RGS6: variants seen among roughly 807,000 people sequenced by gnomAD.
RGS6 encodes regulator of G-protein signaling 6.
A neutral mutation model predicts 78.5 loss-of-function variants in RGS6; 30 were observed. The ratio of observed to expected loss-of-function variants is 0.38; its 90% CI spans 0.29 to 0.52. The LOEUF is 0.52. Ranked by LOEUF, RGS6 falls within the 20% of genes least tolerant of loss-of-function variation. The probability of loss-of-function intolerance (pLI) is 0.85; values close to 1 mark genes in which losing one functional copy is unlikely to be tolerated. For missense variants in RGS6, 495 were observed against 609.7 expected (o/e 0.81, Z 1.98); for synonymous variants, 206 against 206.0 (o/e 1.00, Z 0.00).
chr14:72,151,607 C>G (rs1356624758), intron 2 of RGS6, among the ~76,000 whole-genome samples: 1 of 152,112 alleles, frequency 6.6e-6, no homozygotes, highest in African/African-American at 2.4e-5. Context: ...GCCATTTTCC[C>G]CACTCTTACA....
chr14:72,063,514 G>A (rs1247033996), intron 2 of RGS6, among the ~76,000 whole-genome samples: 1 of 152,152 alleles, frequency 6.6e-6, no homozygotes, highest in Non-Finnish European at 1.5e-5. Context: ...TAGGATATAC[G>A]TTTCTTGAGA....
chr14:72,135,419 G>A (rs2096416769), intron 2 of RGS6, among the ~76,000 whole-genome samples: 1 of 152,148 alleles, frequency 6.6e-6, no homozygotes, highest in Non-Finnish European at 1.5e-5. Context: ...TGTGAAATGT[G>A]AGGATGGAAT....
intron 12 of RGS6, among the ~76,000 whole-genome samples, chr14:72,489,575 G>A (rs2096548700): frequency 6.6e-6 from 1 of 152,178 alleles, no homozygotes; most frequent in Non-Finnish European, 1.5e-5. Context: ...CCAATGACAA[G>A]TGTCCTCATA....
chr14:72,174,266 C>A (rs2153688015), intron 2 of RGS6, among the ~76,000 whole-genome samples: 1 of 152,330 alleles, frequency 6.6e-6, no homozygotes, highest in East Asian at 1.9e-4. Flanking sequence ...GGCCACCATG[C>A]CCAGCTAATT....
intron 17 of RGS6, among the ~76,000 whole-genome samples, chr14:72,543,878 G>C (rs564482019): frequency 6.6e-6 from 1 of 152,300 alleles, no homozygotes; most frequent in Non-Finnish European, 1.5e-5. Context: ...TGGGATTACA[G>C]GCACACGCCA....
intron 15 of RGS6, among the ~76,000 whole-genome samples, chr14:72,528,870 C>A (rs1725236871): frequency 1.3e-5 from 2 of 152,128 alleles, no homozygotes. Context: ...TGGTTGTCTG[C>A]AGAATAGGGG....
the RGS6 span, among the ~76,000 whole-genome samples, chr14:71,892,965 G>A: frequency 1.3e-5 from 2 of 152,332 alleles, no homozygotes; most frequent in African/African-American, 2.4e-5. Context: ...TTCATGGGAC[G>A]GCAGCGATCT....
chr14:72,303,405 G>A (rs937046354), intron 2 of RGS6, among the ~76,000 whole-genome samples: 1 of 152,182 alleles, frequency 6.6e-6, no homozygotes, highest in African/African-American at 2.4e-5. Flanking sequence ...GGAGGCTGAG[G>A]CAGGAGAATT....
At position 72,564,184 on chromosome 14, in the gene RGS6, A is replaced by T. The variant is rs984444919; in HGVS notation, c.*1717A>T. The T allele has an allele frequency of 6.6e-6, 1 of 152,096 alleles. No individual in the cohort carries two copies. Among genetic ancestry groups the T allele is most frequent in the Non-Finnish European group, 1.5e-5 (1 of 68,032 alleles). 9.4% of individuals were successfully genotyped at this position (152,096 alleles called of 1,614,324 possible). ...ATCGCGGGCATTAGGAGTCTTCGTT[A>T]TGTTGTATCCTTGTGAGTTCTTGAC... On this transcript the variant is annotated 3_prime_UTR_variant, in exon 18 of 18. Transcript: ENST00000553525.
rs144293172 is a variant in RGS6 at position 72,110,840 on chromosome 14, A to G, written c.84+145965A>G. Among the ~76,000 whole-genome samples the G allele has an allele frequency of 2.7e-3, 407 of 152,168 alleles. 1 individual carries two copies. Among genetic ancestry groups the G allele is most frequent in the African/African-American group, 9.1e-3 (377 of 41,502 alleles). On this transcript the variant is annotated intron_variant, in intron 2 of 17. Coordinates refer to ENST00000553525, the MANE Select transcript of RGS6 (RefSeq NM_001204424.2). The stretch of plus-strand genomic sequence containing the variant: ...CTGGGGAGCCTGGGACATTGCCCAC[A>G]CTCTGCTAATGAAGAAACTGAACCA...
chr14:72,144,804 C>T (rs933637245), intron 2 of RGS6, among the ~76,000 whole-genome samples: 5 of 151,588 alleles, frequency 3.3e-5, no homozygotes, highest in African/African-American at 1.2e-4. Flanking sequence ...TGCCTGCTGC[C>T]TTCACAGAGC....
chr14:72,138,090 A>G (rs762552703), intron 2 of RGS6, among the ~76,000 whole-genome samples: 4 of 152,174 alleles, frequency 2.6e-5, no homozygotes, highest in Non-Finnish European at 4.4e-5. Flanking sequence ...TGAAGACCAA[A>G]TATATCTTAT....
intron 2 of RGS6, among the ~76,000 whole-genome samples, chr14:72,285,603 T>C (rs1347304203): frequency 6.6e-6 from 1 of 152,200 alleles, no homozygotes; most frequent in East Asian, 1.9e-4. Context: ...CTGCTTTCCA[T>C]AGCAGCTACA....
intron 2 of RGS6, among the ~76,000 whole-genome samples, chr14:72,273,451 AAC>A (rs1472841902): frequency 2.6e-5 from 4 of 152,184 alleles, no homozygotes; most frequent in African/African-American, 9.7e-5. Flanking sequence ...GTCAACAGCT[AAC>A]ACAGCATAAG....
chr14:72,613,747 C>T, the RGS6 span, among the ~76,000 whole-genome samples: 2 of 152,166 alleles, frequency 1.3e-5, no homozygotes, highest in African/African-American at 2.4e-5. Context: ...CTGGCAAGCC[C>T]GGACCCCTCC....
intron 2 of RGS6, among the ~76,000 whole-genome samples, chr14:72,248,108 G>A (rs914958977): frequency 4.6e-5 from 7 of 152,110 alleles, no homozygotes; most frequent in African/African-American, 1.7e-4. Context: ...ATGATCCAGG[G>A]ACTCCCAGGA....
chr14:72,185,258 A>G (rs756435685), intron 2 of RGS6, among the ~76,000 whole-genome samples: 23 of 152,028 alleles, frequency 1.5e-4, no homozygotes, highest in Non-Finnish European at 2.4e-4. Flanking sequence ...CTCCCAGTCC[A>G]CTGACTCAAA....
intron 3 of RGS6, among the ~76,000 whole-genome samples, chr14:72,359,963 C>A (rs2081137689): frequency 6.6e-6 from 1 of 152,100 alleles, no homozygotes; most frequent in African/African-American, 2.4e-5. Flanking sequence ...GACAGTTAAT[C>A]TTGGAAGGAG....
intron 14 of RGS6, among the ~76,000 whole-genome samples, chr14:72,513,487 T>G (rs1363061972): frequency 6.6e-6 from 1 of 152,148 alleles, no homozygotes; most frequent in African/African-American, 2.4e-5. Context: ...TCTCCTTTTC[T>G]GACCCACCTG....
Sources: allele counts gnomAD v4.1 joint callset (sites outside exome capture counted in the v4.1 genomes callset), GRCh38; gene constraint gnomAD v4.1.1; transcripts MANE v1.5; gene names NCBI Gene and HGNC (gene_info 2026-07-23, HGNC 2026-07-21).